MAGI2: variants seen among roughly 807,000 people sequenced by gnomAD.
MAGI2 encodes membrane-associated guanylate kinase, WW and PDZ domain-containing protein 2.
A neutral mutation model predicts 133.3 loss-of-function variants in MAGI2; 35 were observed. The observed-to-expected ratio is 0.26, with a 90% CI of 0.20 to 0.35. MAGI2 has a LOEUF of 0.35. MAGI2 is among the 10% of genes least tolerant of loss of function. MAGI2 has a pLI of 1.00. For synonymous variants in MAGI2, 729 were observed against 710.6 expected (o/e 1.03, Z -0.41); for missense variants, 1,636 against 1,863.4 (o/e 0.88, Z 2.25).
chr7:79,226,422 T>TATA (rs780614961), intron 1 of MAGI2, among the ~76,000 whole-genome samples: 4 of 152,170 alleles, frequency 2.6e-5, no homozygotes, highest in Non-Finnish European at 5.9e-5. Flanking sequence ...TTCCAGAATA[T>TATA]ATAATCTTCC....
intron 1 of MAGI2, among the ~76,000 whole-genome samples, chr7:79,127,025 C>T (rs1239163715): frequency 1.3e-5 from 2 of 151,302 alleles, no homozygotes; most frequent in African/African-American, 2.4e-5. Context: ...TGTTCAATTC[C>T]CACCTATGAG....
intron 21 of MAGI2, among the ~76,000 whole-genome samples, chr7:78,041,649 TG>T (rs1299516403): frequency 6.6e-6 from 1 of 152,110 alleles, no homozygotes; most frequent in African/African-American, 2.4e-5. Context: ...TACTCCAGCA[TG>T]GGTGACAGAG....
intron 2 of MAGI2, among the ~76,000 whole-genome samples, chr7:78,730,738 C>T (rs79635215): frequency 1.1e-4 from 16 of 152,092 alleles, no homozygotes; most frequent in East Asian, 3.9e-4. Flanking sequence ...TAGTGGTCTC[C>T]GCTGGGAAAC....
At chr7:78,645,820 C>A (rs1193165683) in intron 2 of MAGI2, among the ~76,000 whole-genome samples, 1 of 151,674 alleles carries the variant, frequency 6.6e-6, no homozygotes, top group Non-Finnish European at 1.5e-5. Flanking sequence ...CTCACTACAA[C>A]CTCCGCCTAC....
chr7:78,750,445 G>C (rs1168738702), intron 2 of MAGI2, among the ~76,000 whole-genome samples: 1 of 152,134 alleles, frequency 6.6e-6, no homozygotes, highest in African/African-American at 2.4e-5. Flanking sequence ...TCTGGTTCTA[G>C]ATCCTTGAGG....
At chr7:79,174,501 ACCT>A (rs1825913575) in intron 1 of MAGI2, among the ~76,000 whole-genome samples, 1 of 151,874 alleles carries the variant, frequency 6.6e-6, no homozygotes, top group Non-Finnish European at 1.5e-5. Flanking sequence ...ACAACAAAAT[ACCT>A]TTAATGTATT....
intron 3 of MAGI2, among the ~76,000 whole-genome samples, chr7:78,623,963 G>A (rs1808031264): frequency 6.6e-6 from 1 of 151,964 alleles, no homozygotes; most frequent in South Asian, 2.1e-4. Context: ...TCTATCAATT[G>A]TATAAAAGTA....
intron 3 of MAGI2, among the ~76,000 whole-genome samples, chr7:78,529,861 A>C (rs1170611071): frequency 2.0e-5 from 3 of 151,418 alleles, no homozygotes; most frequent in African/African-American, 7.3e-5. Context: ...AAGAGAAAAA[A>C]TGTGAAAGTA....
At chr7:79,181,789 A>G (rs1585137106) in intron 1 of MAGI2, among the ~76,000 whole-genome samples, 1 of 152,074 alleles carries the variant, frequency 6.6e-6, no homozygotes, top group East Asian at 1.9e-4. Flanking sequence ...AACAGCACCC[A>G]AGTCATCTCT....
chr7:78,504,790 G>C (rs951477563), intron 4 of MAGI2, among the ~76,000 whole-genome samples: 3 of 151,974 alleles, frequency 2.0e-5, no homozygotes, highest in Admixed American at 6.6e-5. Context: ...CTATCAATGA[G>C]ATTATAATTA....
At chr7:78,283,592 G>C (rs1436400711) in intron 9 of MAGI2, among the ~76,000 whole-genome samples, 1 of 151,904 alleles carries the variant, frequency 6.6e-6, no homozygotes, top group Non-Finnish European at 1.5e-5. Context: ...TTTAAATTTC[G>C]TGTTTCTCCG....
At chr7:78,400,327 A>G (rs1796742685) in intron 6 of MAGI2, among the ~76,000 whole-genome samples, 2 of 149,394 alleles carry the variant, frequency 1.3e-5, no homozygotes, top group Admixed American at 1.3e-4. Flanking sequence ...TCTTCCAACA[A>G]AAATACTCTA....
At chr7:78,845,767 G>T (rs950624394) in intron 2 of MAGI2, among the ~76,000 whole-genome samples, 5 of 151,892 alleles carry the variant, frequency 3.3e-5, no homozygotes, top group African/African-American at 1.2e-4. Flanking sequence ...CCTTGTCCTT[G>T]ACTGATTCCT....
intron 1 of MAGI2, among the ~76,000 whole-genome samples, chr7:79,433,051 G>T (rs1191371494): frequency 1.3e-5 from 2 of 152,188 alleles, no homozygotes; most frequent in Non-Finnish European, 2.9e-5. Flanking sequence ...GGTTTCCAGA[G>T]TTCAAAAGAT....
intron 1 of MAGI2, among the ~76,000 whole-genome samples, chr7:79,238,770 CTTTA>C (rs1450336125): frequency 2.0e-5 from 3 of 152,066 alleles, no homozygotes; most frequent in Non-Finnish European, 4.4e-5. Flanking sequence ...GAAATTCATA[CTTTA>C]TTTATGTGAT....
chr7:79,036,930 T>C (rs1383853636), intron 1 of MAGI2, among the ~76,000 whole-genome samples: 1 of 152,234 alleles, frequency 6.6e-6, no homozygotes, highest in Non-Finnish European at 1.5e-5. Context: ...TAATCTTTTA[T>C]GTCTTGCTCA....
intron 2 of MAGI2, among the ~76,000 whole-genome samples, chr7:78,996,406 A>G (rs1806314339): frequency 6.6e-6 from 1 of 152,182 alleles, no homozygotes; most frequent in Admixed American, 6.5e-5. Context: ...CTCACACAGG[A>G]ACAGAAAAGC....
chr7:79,386,277 A>T (rs1386977542), intron 1 of MAGI2, among the ~76,000 whole-genome samples: 1 of 152,076 alleles, frequency 6.6e-6, no homozygotes, highest in Admixed American at 6.6e-5. Context: ...TTAACAAATT[A>T]GTGTTGGGAA....
intron 3 of MAGI2, among the ~76,000 whole-genome samples, chr7:78,619,790 T>A (rs1005313117): frequency 2.0e-5 from 3 of 151,876 alleles, no homozygotes; most frequent in Non-Finnish European, 4.4e-5. Flanking sequence ...ACCAAAAAAT[T>A]CTGGCATTAT....
Sources: allele counts gnomAD v4.1 joint callset (sites outside exome capture counted in the v4.1 genomes callset), GRCh38; gene constraint gnomAD v4.1.1; transcripts MANE v1.5; gene names NCBI Gene and HGNC (gene_info 2026-07-23, HGNC 2026-07-21).